CNTNAP4: variants seen among roughly 807,000 people sequenced by gnomAD.
The protein encoded by CNTNAP4 is contactin-associated protein-like 4.
In CNTNAP4, 98 loss-of-function variants were observed where a neutral mutation model predicts 148.4. The ratio of observed to expected loss-of-function variants is 0.66; its 90% CI spans 0.56 to 0.78. The LOEUF is 0.78. Ranked by LOEUF, CNTNAP4 falls within the 30% of genes least tolerant of loss-of-function variation. The pLI is 0.00. For synonymous variants in CNTNAP4, 730 were observed against 565.1 expected (o/e 1.29, Z -4.14); for missense variants, 1,935 against 1,565.6 (o/e 1.24, Z -3.98).
At chr16:76,349,353 A>T (rs1474885962) in intron 2 of CNTNAP4, among the ~76,000 whole-genome samples, 1 of 152,160 alleles carries the variant, frequency 6.6e-6, no homozygotes, top group African/African-American at 2.4e-5. Context: ...ACTGTGGTCA[A>T]AGTAGGCAAG....
In CNTNAP4 at chr16:76,289,960, C is replaced by T. The variant is rs138990837; in HGVS notation, c.85+12213C>T. Among the ~76,000 whole-genome samples, 34 of 152,290 alleles carry T rather than the reference C, an allele frequency of 2.2e-4. No homozygotes were observed. In the East Asian group the frequency reaches 6.6e-3, roughly 29 times the overall value. ...TATTTAGATTCTGCTCACGTTTCAT[C>T]CTCCTCATGGTACACATTTGTGATT... On this transcript the variant is annotated intron_variant, in intron 1 of 23. Coordinates refer to ENST00000611870, the MANE Select transcript of CNTNAP4 (RefSeq NM_033401.5).
chr16:76,467,738 T>C (rs2081228461), intron 10 of CNTNAP4, among the ~76,000 whole-genome samples: 1 of 152,232 alleles, frequency 6.6e-6, no homozygotes, highest in African/African-American at 2.4e-5. Flanking sequence ...CCATGTTATG[T>C]ATGGCCACGT....
At chr16:76,295,696 G>C (rs28729683) in intron 1 of CNTNAP4, among the ~76,000 whole-genome samples, 3,040 of 152,356 alleles carry the variant, frequency 0.02, 106 homozygotes, top group African/African-American at 0.068. Flanking sequence ...CATGTGAGAG[G>C]AAGGAGTGGC....
At chr16:76,411,170 A>T (rs937463886) in intron 3 of CNTNAP4, among the ~76,000 whole-genome samples, 1 of 151,464 alleles carries the variant, frequency 6.6e-6, no homozygotes, top group African/African-American at 2.4e-5. Flanking sequence ...CTTTTTAAAC[A>T]TTCTAATTTT....
intron 17 of CNTNAP4, among the ~76,000 whole-genome samples, chr16:76,532,092 A>C (rs773683586): frequency 6.6e-6 from 1 of 152,210 alleles, no homozygotes; most frequent in South Asian, 2.1e-4. Flanking sequence ...ATTTATTACT[A>C]GAGCTTTTTG....
At chr16:76,525,089 G>A (rs1036022516) in intron 17 of CNTNAP4, among the ~76,000 whole-genome samples, 1 of 152,030 alleles carries the variant, frequency 6.6e-6, no homozygotes, top group Non-Finnish European at 1.5e-5. Context: ...TTAGGAAAGG[G>A]CTTCAATCAA....
intron 21 of CNTNAP4, among the ~76,000 whole-genome samples, chr16:76,541,305 A>G (rs1233243511): frequency 1.3e-5 from 2 of 152,222 alleles, no homozygotes; most frequent in Non-Finnish European, 2.9e-5. Context: ...TAAATGCCTT[A>G]TAATGCTTAT....
intron 1 of CNTNAP4, among the ~76,000 whole-genome samples, chr16:76,306,517 A>G (rs1960495654): frequency 6.6e-6 from 1 of 152,216 alleles, no homozygotes; most frequent in South Asian, 2.1e-4. Flanking sequence ...AGAAAGCAAA[A>G]TGTTGAAAGC....
At chr16:76,557,447 T>G (rs1018275268) in intron 23 of CNTNAP4, 1 of 152,154 alleles carries the variant, frequency 6.6e-6, no homozygotes, top group Non-Finnish European at 1.5e-5. Context: ...GACTTCAGAG[T>G]GCACCAGAAG....
intron 9 of CNTNAP4, among the ~76,000 whole-genome samples, chr16:76,465,133 C>T (rs952072065): frequency 9.2e-5 from 14 of 152,160 alleles, no homozygotes; most frequent in African/African-American, 2.7e-4. Context: ...TGACATATAG[C>T]GATAATTTAT....
chr16:76,467,393 C>G lies in CNTNAP4; in HGVS notation c.1525C>G (p.Leu509Val), dbSNP rs1326923896. 1 of 1,613,854 alleles carries G rather than the reference C, an allele frequency of 6.2e-7. No individual in the cohort carries two copies. The highest frequency in any genetic ancestry group is 8.5e-7 in the Non-Finnish European group (1 of 1,179,820). Residue 509 changes from leucine (L) to valine (V), a missense_variant, in exon 10 of 24, where the codon CTT becomes GTT. Coordinates refer to ENST00000611870, the MANE Select transcript of CNTNAP4 (RefSeq NM_033401.5). ...KSFGSKCKSP[L>V]GGFQGCMRLI... ...CTTTGGATCCAAATGTAAAAGTCCA[C>G]TTGGTGGATTTCAGGGATGTATGAG...
At chr16:76,397,948 A>ATATG (rs2078265161) in intron 3 of CNTNAP4, among the ~76,000 whole-genome samples, 1 of 2,536 alleles carries the variant, frequency 3.9e-4, no homozygotes, top group African/African-American at 2.1e-3. Flanking sequence ...TTATATACAT[A>ATATG]TATATATATA....
At chr16:76,427,306 C>T (rs1490698328) in intron 3 of CNTNAP4, 146 bp from the exon 4 acceptor site, 1 of 586,648 alleles carries the variant, frequency 1.7e-6, no homozygotes, top group African/African-American at 1.9e-5. Flanking sequence ...GACATCATGA[C>T]ATAACTGTTA....
intron 3 of CNTNAP4, among the ~76,000 whole-genome samples, chr16:76,369,075 C>T (rs1378056948): frequency 6.7e-6 from 1 of 149,256 alleles, no homozygotes; most frequent in African/African-American, 2.5e-5. Flanking sequence ...ATTATATAAA[C>T]AGGCAGTTCA....
intron 1 of CNTNAP4, among the ~76,000 whole-genome samples, chr16:76,284,018 T>A (rs1226012291): frequency 1.3e-5 from 2 of 152,080 alleles, no homozygotes; most frequent in African/African-American, 4.8e-5. Context: ...GACTTTGACC[T>A]GATTGTCTTC....
chr16:76,374,740 C>CACT (rs993641021), intron 3 of CNTNAP4, among the ~76,000 whole-genome samples: 3 of 131,846 alleles, frequency 2.3e-5, no homozygotes, highest in African/African-American at 8.5e-5. Context: ...TTGACTATGA[C>CACT]ACTATTATTA....
chr16:76,469,130 T>TAATA (rs2081280146), intron 10 of CNTNAP4, among the ~76,000 whole-genome samples: 1 of 152,154 alleles, frequency 6.6e-6, no homozygotes, highest in African/African-American at 2.4e-5. Flanking sequence ...TAGAAAACAG[T>TAATA]AATAATAACC....
At chr16:76,434,591 TCACCACCCCTG>T (rs1426714968) in intron 4 of CNTNAP4, among the ~76,000 whole-genome samples, 1 of 152,206 alleles carries the variant, frequency 6.6e-6, no homozygotes, top group Non-Finnish European at 1.5e-5. Flanking sequence ...GTGGTGGGAA[TCACCACCCCTG>T]CATCTTTCAA....
intron 21 of CNTNAP4, among the ~76,000 whole-genome samples, chr16:76,547,358 G>C (rs1468850003): frequency 6.6e-6 from 1 of 151,958 alleles, no homozygotes; most frequent in African/African-American, 2.4e-5. Flanking sequence ...CCCACATTTT[G>C]AATAATGATG....
Sources: allele counts gnomAD v4.1 joint callset (sites outside exome capture counted in the v4.1 genomes callset), GRCh38; gene constraint gnomAD v4.1.1; transcripts MANE v1.5; gene names NCBI Gene and HGNC (gene_info 2026-07-23, HGNC 2026-07-21).